Variants in RNF31 observed in about 807,000 individuals in gnomAD.
The protein encoded by RNF31 is E3 ubiquitin-protein ligase RNF31.
A neutral mutation model predicts 133.6 loss-of-function variants in RNF31; 38 were observed. That is an observed-to-expected ratio of 0.28 (90% CI 0.22 to 0.37). RNF31 has a LOEUF of 0.37. Ranked by LOEUF, RNF31 falls within the 10% of genes least tolerant of loss-of-function variation. The pLI is 1.00. For missense variants in RNF31, 1,118 were observed against 1,394.1 expected, an observed-to-expected ratio of 0.80 and a Z score of 3.15; for synonymous variants, 582 against 552.3, an observed-to-expected ratio of 1.05 and a Z score of -0.75.
At chr14:24,146,909 T>A (rs1013402560), upstream of RNF31, 3 of 446,916 alleles carry the variant, frequency 6.7e-6, no homozygotes, top group Admixed American at 1.1e-4. Flanking sequence ...AGGGTTGGGG[T>A]AAGAGAGGTG....
At position 24,152,023 on chromosome 14, in the gene RNF31, G is replaced by A. The variant is rs1160457846; in HGVS notation, c.2130+31G>A. 4 of 1,600,878 alleles carry A rather than the reference G, an allele frequency of 2.5e-6. No homozygotes were observed. In the African/African-American group the frequency reaches 4.0e-5, roughly 16 times the overall value. On this transcript the variant is annotated intron_variant, in intron 11 of 20. Transcript: ENST00000324103. Reference sequence around the variant, plus strand: ...TCCCTCCCCACGATACCTGGTCCAAGAATTACTCTATTCTTTTGGACCCCC... The same window carrying A: ...TCCCTCCCCACGATACCTGGTCCAAAAATTACTCTATTCTTTTGGACCCCC...
Position 24,148,259 on chromosome 14 carries a change from G to A in RNF31, c.341G>A (p.Gly114Glu), listed in dbSNP as rs768762293. Residue 114 changes from glycine to glutamate, a missense_variant and splice_region_variant, in exon 3 of 21, where the codon GGG becomes GAG. By Grantham distance (98) the Gly-to-Glu change is moderately conservative (BLOSUM62 -2). This residue lies in a region of RNF31 where 747 missense variants were observed against 827.9 expected (regional missense o/e 0.90). Coordinates refer to ENST00000324103, the MANE Select transcript of RNF31 (RefSeq NM_017999.5). The part of the protein sequence containing the change: ...VFRSTVDAVQ[G>E]GRDVLRLYGY... ...GTGACTCGTTTGAATGTGTGGCAGG[G>A]GGGCCGAGATGTGCTGCGATTATAT... 1.2e-6 allele frequency: 2 copies of A among 1,614,142 alleles called. No homozygotes were observed. The highest frequency in any genetic ancestry group is 1.7e-5 in the Admixed American group (1 of 60,026).
intron 11 of RNF31, among the ~76,000 whole-genome samples, chr14:24,152,554 G>A (rs2038282276): frequency 6.6e-6 from 1 of 150,586 alleles, no homozygotes; most frequent in Non-Finnish European, 1.5e-5. Context: ...GAGTAGCTGG[G>A]ATTACAGGCA....
chr14:24,160,239 G>T lies in RNF31; in HGVS notation c.2997G>T (p.Gln999His). 6.2e-7 allele frequency: 1 copy of T among 1,611,402 alleles called. No homozygotes were observed. The highest frequency in any genetic ancestry group is 1.1e-5 in the South Asian group (1 of 91,034). ...ATATTCTGCTCCCTTTTCTCCCCAG[G>T]GCACACTACAAAGAGTATCTTGTGA... ...ETPAGYAGLC[Q>H]AHYKEYLVSL... is the part of the protein sequence containing the mutation. The change falls in exon 20 of 21, where the codon CAG becomes CAT. Residue 999 changes from glutamine to histidine, a missense_variant and splice_region_variant. Transcript: ENST00000324103. The surrounding 1 kb of genome is among the most constrained non-coding windows in gnomAD (Gnocchi z 4.0).
At position 24,160,030 on chromosome 14, in the gene RNF31, T is replaced by C; in HGVS notation, c.2996+70T>C. Reference sequence around the variant, plus strand: ...AAGTGGTGAGGGCATGCCCAGGCAGTAAAATGGGTCCTTGGGAGCAGTAGG... The same window carrying C: ...AAGTGGTGAGGGCATGCCCAGGCAGCAAAATGGGTCCTTGGGAGCAGTAGG... On this transcript the variant is annotated intron_variant, in intron 19 of 20. Coordinates refer to ENST00000324103, the MANE Select transcript of RNF31 (RefSeq NM_017999.5). This position sits in a 1 kb window ranked among gnomAD's most constrained non-coding sequence, Gnocchi z 4.0. 1 of 1,479,380 alleles carries C rather than the reference T, an allele frequency of 6.8e-7. No homozygotes were observed. 91.6% of individuals were successfully genotyped at this position (1,479,380 alleles called of 1,614,324 possible). A position where few individuals can be genotyped will look rare whatever the true frequency, so the allele number is the denominator to read the frequency against.
At chr14:24,153,639 CAT>C (rs1343537867) in intron 11 of RNF31, among the ~76,000 whole-genome samples, 1 of 151,770 alleles carries the variant, frequency 6.6e-6, no homozygotes, top group African/African-American at 2.4e-5. Context: ...CGCAGTGGCT[CAT>C]ACCTGTAATC....
At position 24,155,071 on chromosome 14, in the gene RNF31, T is replaced by G. The variant is rs2038321531; in HGVS notation, c.2131-86T>G. 3.0e-6 allele frequency: 4 copies of G among 1,350,980 alleles called. No homozygotes were observed. The highest frequency in any genetic ancestry group is 4.1e-6 in the Non-Finnish European group (4 of 970,736). The allele number at this position is 1,350,980 out of a possible 1,614,324, so 83.7% of individuals were successfully genotyped here. A position where few individuals can be genotyped will look rare whatever the true frequency, so the allele number is the denominator to read the frequency against. On this transcript the variant is annotated intron_variant, in intron 11 of 20. Coordinates refer to ENST00000324103, the MANE Select transcript of RNF31 (RefSeq NM_017999.5). The surrounding 1 kb of genome is among the most constrained non-coding windows in gnomAD (Gnocchi z 4.9). ...CCCAGTTGTTAATTAGACCCTGATT[T>G]CTTAGTGGACACCTGGCCACTGCCT... is the stretch of plus-strand genomic sequence containing the variant.
At position 24,150,766 on chromosome 14, in the gene RNF31, C is replaced by A. The variant is rs772111490; in HGVS notation, c.1366C>A (p.Pro456Thr). Residue 456 changes from proline to threonine, a missense_variant, in exon 8 of 21, where the codon CCC becomes ACC. By Grantham distance (38) the Pro-to-Thr change is conservative (BLOSUM62 -1). Coordinates refer to ENST00000324103, the MANE Select transcript of RNF31 (RefSeq NM_017999.5). ...CTATGCCAGCTCTTTGGAAAAGGGA[C>A]CCCCCAAGCCTGGGCCCCCACGACG... ...RPYASSLEKG[P>T]PKPGPPRRLS... is the part of the protein sequence containing the mutation. The A allele has an allele frequency of 1.2e-6, 2 of 1,610,318 alleles. No homozygotes were observed. The highest frequency in any genetic ancestry group is 3.3e-5 in the Admixed American group (2 of 59,752).
In RNF31 at chr14:24,150,967, G is replaced by A. The variant is rs543016240; in HGVS notation, c.1488+79G>A. The A allele has an allele frequency of 1.3e-5, 19 of 1,513,186 alleles. No individual in the cohort carries two copies. The East Asian group carries it at 3.9e-4, about 31-fold the overall frequency. The allele number at this position is 1,513,186 out of a possible 1,614,324, so 93.7% of individuals were successfully genotyped here. ...GCTGCAGGTGGTTAATAGTTTCTAT[G>A]AATCTTGTTATTGTTAGCAGCAGCT... On this transcript the variant is annotated intron_variant, in intron 8 of 20. Transcript: ENST00000324103.
intron 11 of RNF31, among the ~76,000 whole-genome samples, chr14:24,154,775 A>C (rs1471531856): frequency 6.6e-6 from 1 of 152,200 alleles, no homozygotes; most frequent in African/African-American, 2.4e-5. Flanking sequence ...AGATTGTTTC[A>C]TCACCACAAA....
Position 24,156,865 on chromosome 14 carries a change from A to G in RNF31, c.2494-425A>G, listed in dbSNP as rs552068361. Among the ~76,000 whole-genome samples, 129 of 152,256 alleles carry G rather than the reference A, an allele frequency of 8.5e-4. 1 individual carries two copies. Among genetic ancestry groups the G allele is most frequent in the Middle Eastern group, 6.8e-3 (2 of 294 alleles). On this transcript the variant is annotated intron_variant, in intron 14 of 20. Coordinates refer to ENST00000324103, the MANE Select transcript of RNF31 (RefSeq NM_017999.5). ...AATAAAGTGAACACCTGAGACTACC[A>G]CAGAACCAAAACACCACCAATCCTG...
In RNF31 at chr14:24,155,347, A is replaced by C. The variant is rs377290588; in HGVS notation, c.2304+17A>C. 23 of 1,614,094 alleles carry C rather than the reference A, an allele frequency of 1.4e-5. No individual in the cohort carries two copies. The Middle Eastern group carries it at 8.2e-4, about 58-fold the overall frequency. On this transcript the variant is annotated intron_variant, in intron 12 of 20. Transcript: ENST00000324103. This position sits in a 1 kb window ranked among gnomAD's most constrained non-coding sequence, Gnocchi z 4.9. ...GACATCCAGGTACTGCAGCCCCTCT[A>C]GGACTCAGGTACCCTGAGCTTTGAA... is the stretch of plus-strand genomic sequence containing the variant.
In RNF31 at chr14:24,157,656, G is replaced by A. The variant is rs146225323; in HGVS notation, c.2727+18G>A. 44 of 1,605,618 alleles carry A rather than the reference G, an allele frequency of 2.7e-5. No individual in the cohort carries two copies. In the African/African-American group the frequency reaches 5.6e-4, roughly 20 times the overall value. On this transcript the variant is annotated intron_variant, in intron 16 of 20. Transcript: ENST00000324103. ...CCAAGAATGTAAGCCCAGAGAGTTG[G>A]GGAAGGGGTGGAAGGGTGGGGGGTG...
At chr14:24,159,623 T>C (rs1594385879) in intron 18 of RNF31, among the ~76,000 whole-genome samples, 1 of 122,542 alleles carries the variant, frequency 8.2e-6, no homozygotes, top group African/African-American at 3.3e-5. Flanking sequence ...CTCAAGAGGG[T>C]ATGTGTTTAT....
At chr14:24,152,568 G>T (rs989135823) in intron 11 of RNF31, among the ~76,000 whole-genome samples, 1 of 135,020 alleles carries the variant, frequency 7.4e-6, no homozygotes, top group Non-Finnish European at 1.6e-5. Flanking sequence ...ACAGGCACCC[G>T]CCACCACACT....
chr14:24,160,091 C>G lies in RNF31; in HGVS notation c.2996+131C>G. On this transcript the variant is annotated intron_variant, in intron 19 of 20. Coordinates refer to ENST00000324103, the MANE Select transcript of RNF31 (RefSeq NM_017999.5). This position sits in a 1 kb window ranked among gnomAD's most constrained non-coding sequence, Gnocchi z 4.0. Reference sequence around the variant, plus strand: ...GGTGGGAGGGAGGAGGCTTTCTGGGCAAGGGCATGGGTAGATAGTAGCAGG... The same window carrying G: ...GGTGGGAGGGAGGAGGCTTTCTGGGGAAGGGCATGGGTAGATAGTAGCAGG... 7.6e-7 allele frequency: 1 copy of G among 1,313,862 alleles called. No homozygotes were observed. The highest frequency in any genetic ancestry group is 1.1e-6 in the Non-Finnish European group (1 of 943,830). The allele number at this position is 1,313,862 out of a possible 1,614,324, so 81.4% of individuals were successfully genotyped here.
chr14:24,150,954 T>C, intron 8 of RNF31, 66 bp downstream of exon 8: 1 of 1,518,346 alleles, frequency 6.6e-7, no homozygotes. Context: ...TGCAGGTGGT[T>C]AATAGTTTCT....
At position 24,148,108 on chromosome 14, in the gene RNF31, G is replaced by A; in HGVS notation, c.325G>A (p.Val109Met). The A allele has an allele frequency of 1.2e-6, 2 of 1,614,208 alleles. No homozygotes were observed. Among genetic ancestry groups the A allele is most frequent in the Non-Finnish European group, 1.7e-6 (2 of 1,180,044 alleles). Residue 109 changes from valine (V) to methionine (M), a missense_variant, in exon 2 of 21, where the codon GTG becomes ATG. By Grantham distance (21) the Val-to-Met change is conservative (BLOSUM62 1). Transcript: ENST00000324103. The part of the protein sequence containing the change: ...KFNNPVFRST[V>M]DAVQGGRDVL... ...TAATAACCCTGTCTTTCGCAGCACG[G>A]TGGATGCTGTGCAGGTGAATCCCCT...
chr14:24,150,993 G>A (rs2038257259), intron 8 of RNF31, 105 bp downstream of exon 8: 2 of 1,498,266 alleles, frequency 1.3e-6, no homozygotes, highest in Non-Finnish European at 1.8e-6. Context: ...AGCAGCAGCT[G>A]CCTGTTACTG....
Sources: gnomAD v4.1 joint callset for allele counts (sites outside exome capture counted in the v4.1 genomes callset) on GRCh38, gnomAD v4.1.1 for gene constraint, gnomAD v4.1.1 regional missense constraint, Gnocchi (gnomAD v3.1) non-coding constraint, MANE v1.5 for transcripts, NCBI Gene and HGNC (gene_info 2026-07-23, HGNC 2026-07-21) for gene names.